KCNJ16: variants seen among roughly 807,000 people sequenced by gnomAD.
KCNJ16 encodes the protein inward rectifier potassium channel 16.
Under a neutral mutation model 18.5 loss-of-function variants are expected in KCNJ16, and 15 were observed. The ratio of observed to expected loss-of-function variants is 0.81; its 90% CI spans 0.54 to 1.25. KCNJ16 has a LOEUF of 1.25. KCNJ16 is among the 50% of genes most tolerant of loss of function. The pLI is 0.00. For missense variants in KCNJ16, 523 were observed against 525.7 expected, an observed-to-expected ratio of 0.99 and a Z score of 0.05; for synonymous variants, 174 against 186.5, an observed-to-expected ratio of 0.93 and a Z score of 0.55.
At chr17:70,110,027 T>C (rs556169300) in intron 2 of KCNJ16, among the ~76,000 whole-genome samples, 3 of 152,302 alleles carry the variant, frequency 2.0e-5, no homozygotes, top group East Asian at 1.9e-4. Flanking sequence ...CAGTTCTCCA[T>C]TGTGATGACA....
intron 2 of KCNJ16, among the ~76,000 whole-genome samples, chr17:70,105,252 C>T (rs1453025470): frequency 6.6e-6 from 1 of 152,114 alleles, no homozygotes; most frequent in Non-Finnish European, 1.5e-5. Flanking sequence ...GGTTTTCTTT[C>T]TCTCATATAT....
At chr17:70,103,309 T>TATATATAC in intron 2 of KCNJ16, among the ~76,000 whole-genome samples, 1 of 18,108 alleles carries the variant, frequency 5.5e-5, no homozygotes, top group Admixed American at 6.0e-4. Flanking sequence ...TATATATATA[T>TATATATAC]ATATATATAT....
chr17:70,132,359 TC>T lies in KCNJ16; in HGVS notation c.273del (p.Trp93GlyfsTer3). 1.2e-6 allele frequency: 2 copies of T among 1,614,216 alleles called. No individual in the cohort carries two copies. The highest frequency in any genetic ancestry group is 2.7e-5 in the African/African-American group (2 of 75,054). On this transcript the variant is annotated frameshift_variant, in exon 4 of 4. Transcript: ENST00000392671. LOFTEE classifies it high-confidence loss of function. ...YILSWLIFGS[V>X]FWLIAFHHGD... ...CTCTCGTGGTTGATATTTGGCTCTG[TC>T]TTTTGGCTCATAGCCTTTCATCATG...
Position 70,099,021 on chromosome 17 carries a change from C to G in KCNJ16, c.-299-1637C>G, listed in dbSNP as rs565718721. On this transcript the variant is annotated intron_variant, in intron 1 of 3. Coordinates refer to ENST00000392671, the MANE Select transcript of KCNJ16 (RefSeq NM_170741.4). Reference sequence around the variant, plus strand: ...TATCAGTGACCTGACATCAGCCATGCGTGGAGTATTTACACCACAGAAATG... The same window carrying G: ...TATCAGTGACCTGACATCAGCCATGGGTGGAGTATTTACACCACAGAAATG... Among the ~76,000 whole-genome samples, 3 of 152,256 alleles carry G rather than the reference C, an allele frequency of 2.0e-5. No individual in the cohort carries two copies. The South Asian group carries it at 6.2e-4, about 31-fold the overall frequency.
intron 2 of KCNJ16, among the ~76,000 whole-genome samples, chr17:70,103,144 T>G (rs1027310703): frequency 5.0e-5 from 7 of 141,238 alleles, no homozygotes; most frequent in Non-Finnish European, 1.1e-4. Flanking sequence ...TATATGTGTA[T>G]ATAATATATA....
chr17:70,130,013 T>G lies in KCNJ16; in HGVS notation c.-190-866T>G, dbSNP rs372024563. Among the ~76,000 whole-genome samples, 33 of 152,192 alleles carry G rather than the reference T, an allele frequency of 2.2e-4. No individual in the cohort carries two copies. In the South Asian group the frequency reaches 6.6e-3, roughly 31 times the overall value. ...CGATTTATGAACAGTGTTTTCTAAC[T>G]CTCAGACTCCCACCGTGTGTGTAGT... On this transcript the variant is annotated intron_variant, in intron 2 of 3. Transcript: ENST00000392671.
chr17:70,105,052 T>G (rs548867950), intron 2 of KCNJ16: 2 of 152,732 alleles, frequency 1.3e-5, no homozygotes, highest in African/African-American at 4.8e-5. Flanking sequence ...GGTTCAGATC[T>G]GCACTTCATC....
At chr17:70,077,160 T>C (rs546783410) in intron 1 of KCNJ16, among the ~76,000 whole-genome samples, 18 of 152,226 alleles carry the variant, frequency 1.2e-4, no homozygotes, top group African/African-American at 4.1e-4. Flanking sequence ...TGAAGCAAAA[T>C]TGCAGGAGTG....
chr17:70,083,620 T>C (rs2071656036), intron 1 of KCNJ16, among the ~76,000 whole-genome samples: 1 of 152,196 alleles, frequency 6.6e-6, no homozygotes, highest in African/African-American at 2.4e-5. Context: ...AGGTGTGTAG[T>C]AGATTATACC....
At position 70,132,217 on chromosome 17, in the gene KCNJ16, A is replaced by G. The variant is rs1323588824; in HGVS notation, c.130A>G (p.Asn44Asp). Reference sequence around the variant, plus strand: ...ATTACTTCACAAAGATGGCAGCTGTAATGTCTACTTCAAGCACATTTTTGG... The same window carrying G: ...ATTACTTCACAAAGATGGCAGCTGTGATGTCTACTTCAAGCACATTTTTGG... ...RRLLHKDGSCNVYFKHIFGEW... is the reference protein window; with the variant it reads ...RRLLHKDGSCDVYFKHIFGEW... Residue 44 changes from asparagine (N) to aspartate (D), a missense_variant, in exon 4 of 4, where the codon AAT (asparagine) becomes GAT (aspartate). Asn to Asp is a conservative substitution (Grantham distance 23, BLOSUM62 1). Transcript: ENST00000392671. 3 of 1,614,244 alleles carry G rather than the reference A, an allele frequency of 1.9e-6. No individual in the cohort carries two copies. The highest frequency in any genetic ancestry group is 3.3e-5 in the Admixed American group (2 of 60,026).
At position 70,132,154 on chromosome 17, in the gene KCNJ16, G is replaced by A; in HGVS notation, c.67G>A (p.Glu23Lys). ...ADAKYPGYPP[E>K]HIIAEKRRAR... ...CGCAAAATACCCAGGCTACCCGCCA[G>A]AGCACATTATAGCTGAGAAGAGAAG... Residue 23 changes from glutamate to lysine, a missense_variant, in exon 4 of 4, where the codon GAG becomes AAG. Coordinates refer to ENST00000392671, the MANE Select transcript of KCNJ16 (RefSeq NM_170741.4). 6.2e-7 allele frequency: 1 copy of A among 1,614,202 alleles called. No homozygotes were observed. The highest frequency in any genetic ancestry group is 8.5e-7 in the Non-Finnish European group (1 of 1,180,032).
chr17:70,133,454 T>A lies in KCNJ16; in HGVS notation c.*110T>A, dbSNP rs2074137834. On this transcript the variant is annotated 3_prime_UTR_variant, in exon 4 of 4. Transcript: ENST00000392671. Reference sequence around the variant, plus strand: ...GTGTTATGGCTATGTTTTATGATGATGCTGGGTAAGTAGAGTAAGTTAAAC... The same window carrying A: ...GTGTTATGGCTATGTTTTATGATGAAGCTGGGTAAGTAGAGTAAGTTAAAC... 1 of 831,246 alleles carries A rather than the reference T, an allele frequency of 1.2e-6. No homozygotes were observed. The highest frequency in any genetic ancestry group is 1.9e-6 in the Non-Finnish European group (1 of 527,890). 51.5% of individuals were successfully genotyped at this position (831,246 alleles called of 1,614,324 possible).
chr17:70,090,189 A>T (rs760352175), intron 1 of KCNJ16, among the ~76,000 whole-genome samples: 1 of 152,206 alleles, frequency 6.6e-6, no homozygotes, highest in Non-Finnish European at 1.5e-5. Flanking sequence ...GGAAAGGCTG[A>T]TGGTGGTGAT....
At chr17:70,093,459 C>T (rs568697739) in intron 1 of KCNJ16, among the ~76,000 whole-genome samples, 3 of 152,266 alleles carry the variant, frequency 2.0e-5, no homozygotes, top group South Asian at 2.1e-4. Flanking sequence ...GGACACCAGT[C>T]GTATTGGATC....
intron 2 of KCNJ16, among the ~76,000 whole-genome samples, chr17:70,124,222 A>G (rs557220543): frequency 2.0e-5 from 3 of 152,308 alleles, no homozygotes; most frequent in East Asian, 1.9e-4. Flanking sequence ...CCCTGGTTCA[A>G]TAGTAACCTC....
At chr17:70,083,951 G>C (rs980685044) in intron 1 of KCNJ16, among the ~76,000 whole-genome samples, 2 of 151,970 alleles carry the variant, frequency 1.3e-5, no homozygotes, top group Non-Finnish European at 2.9e-5. Context: ...CATGGCTTTC[G>C]AGCCTCCAAC....
intron 2 of KCNJ16, among the ~76,000 whole-genome samples, chr17:70,126,045 A>C (rs1291164399): frequency 6.6e-6 from 1 of 152,196 alleles, no homozygotes; most frequent in Non-Finnish European, 1.5e-5. Flanking sequence ...CCTTGGGTGC[A>C]ATGCTTTTAT....
intron 1 of KCNJ16, among the ~76,000 whole-genome samples, chr17:70,099,813 G>GT (rs2072544105): frequency 6.6e-6 from 1 of 152,182 alleles, no homozygotes; most frequent in Admixed American, 6.5e-5. Flanking sequence ...AAGCCTCACT[G>GT]TTAAGTTTTA....
chr17:70,129,714 C>G (rs896581429), intron 2 of KCNJ16, among the ~76,000 whole-genome samples: 3 of 152,080 alleles, frequency 2.0e-5, no homozygotes, highest in Non-Finnish European at 2.9e-5. Flanking sequence ...TAACTTGTAC[C>G]TCTCAAATTG....
Sources: gnomAD v4.1 joint callset for allele counts (sites outside exome capture counted in the v4.1 genomes callset) on GRCh38, gnomAD v4.1.1 for gene constraint, MANE v1.5 for transcripts, NCBI Gene and HGNC (gene_info 2026-07-23, HGNC 2026-07-21) for gene names.